HMGN3: variants seen among roughly 807,000 people sequenced by gnomAD.
HMGN3 encodes the protein high mobility group nucleosomal binding domain 3, also known as high mobility group nucleosome-binding domain-containing protein 3.
Under a neutral mutation model 18.8 loss-of-function variants are expected in HMGN3, and 6 were observed. The ratio of observed to expected loss-of-function variants is 0.32; its 90% confidence interval spans 0.18 to 0.63. The LOEUF is 0.63. Ranked by LOEUF, HMGN3 falls within the 30% of genes least tolerant of loss-of-function variation. The pLI is 0.79. For synonymous variants in HMGN3, 40 were observed against 36.5 expected (o/e 1.10, Z -0.35); for missense variants, 107 against 114.2 (o/e 0.94, Z 0.29).
At chr6:79,230,755 T>C (rs1777800036) in intron 1 of HMGN3, among the ~76,000 whole-genome samples, 1 of 152,224 alleles carries the variant, frequency 6.6e-6, no homozygotes, top group Non-Finnish European at 1.5e-5. Context: ...TCCCAGTTTT[T>C]CATAAATTTA....
At chr6:79,216,782 C>G (rs1777009166) in intron 1 of HMGN3, among the ~76,000 whole-genome samples, 1 of 152,148 alleles carries the variant, frequency 6.6e-6, no homozygotes, top group Admixed American at 6.5e-5. Flanking sequence ...GACCACTGGT[C>G]TTTGCTCACT....
intron 2 of HMGN3, among the ~76,000 whole-genome samples, chr6:79,209,309 T>C (rs1015102281): frequency 1.3e-5 from 2 of 152,148 alleles, no homozygotes; most frequent in African/African-American, 4.8e-5. Context: ...GAAAAGAAAA[T>C]CTAAATTAAC....
intron 1 of HMGN3, among the ~76,000 whole-genome samples, chr6:79,220,938 T>G (rs1010738006): frequency 6.6e-6 from 1 of 152,156 alleles, no homozygotes; most frequent in Non-Finnish European, 1.5e-5. Flanking sequence ...TAATTTATTT[T>G]CTAAAAAGGC....
intron 3 of HMGN3, among the ~76,000 whole-genome samples, chr6:79,204,362 T>TC (rs1471016004): frequency 1.3e-5 from 2 of 152,180 alleles, no homozygotes; most frequent in Non-Finnish European, 2.9e-5. Flanking sequence ...CCTCATGTGG[T>TC]CCTCCTCCAG....
intron 3 of HMGN3, among the ~76,000 whole-genome samples, chr6:79,207,937 G>C (rs915280999): frequency 1.3e-5 from 2 of 152,160 alleles, no homozygotes; most frequent in African/African-American, 2.4e-5. Context: ...AGCAGCAAAA[G>C]AGAAGAGCAT....
At position 79,202,173 on chromosome 6, in the gene HMGN3, G is replaced by A; in HGVS notation, c.261+103C>T. The A allele has an allele frequency of 6.2e-7, 1 of 1,600,686 alleles. No homozygotes were observed. Among genetic ancestry groups the A allele is most frequent in the Non-Finnish European group, 8.5e-7 (1 of 1,177,312 alleles). ...ATGTGGATCTGCAATAACATTACAG[G>A]CAATAAAAAGAGACATTAAGAACGT... is the stretch of plus-strand genomic sequence containing the variant. On this transcript the variant is annotated intron_variant, in intron 5 of 5. Transcript: ENST00000344726.
intron 1 of HMGN3, among the ~76,000 whole-genome samples, chr6:79,232,478 A>G (rs1777890900): frequency 6.6e-6 from 1 of 152,194 alleles, no homozygotes; most frequent in Non-Finnish European, 1.5e-5. Context: ...GTCCTCAGGA[A>G]TGACACACAG....
chr6:79,233,868 GC>G (rs1352797495), intron 1 of HMGN3: 1 of 152,286 alleles, frequency 6.6e-6, no homozygotes, highest in African/African-American at 2.4e-5. Context: ...CATATTGGAC[GC>G]CCCGGCGCCG....
chr6:79,226,255 T>C (rs1777562442), intron 1 of HMGN3, among the ~76,000 whole-genome samples: 1 of 152,230 alleles, frequency 6.6e-6, no homozygotes, highest in African/African-American at 2.4e-5. Flanking sequence ...TCACAGGCTC[T>C]GCAGCCAGAC....
Position 79,208,533 on chromosome 6 carries a change from TC to T in HMGN3, c.96+13del. The T allele has an allele frequency of 6.2e-7, 1 of 1,603,834 alleles. No individual in the cohort carries two copies. Among genetic ancestry groups the T allele is most frequent in the Non-Finnish European group, 8.5e-7 (1 of 1,170,404 alleles). ...TCATAAGAACTAACACTGAAGTGGT[TC>T]TAAGGTACTTACCGCTGACAATCTG... On this transcript the variant is annotated intron_variant, in intron 3 of 5. Coordinates refer to ENST00000344726, the Ensembl canonical transcript of HMGN3.
At chr6:79,214,933 T>C (rs1776897210) in intron 2 of HMGN3, 39 bp downstream of exon 2, 2 of 1,064,270 alleles carry the variant, frequency 1.9e-6, no homozygotes, top group Non-Finnish European at 2.9e-6. Context: ...AACATTTCAA[T>C]GTAAATAATT....
chr6:79,208,068 GA>G (rs1776506131), intron 3 of HMGN3, among the ~76,000 whole-genome samples: 1 of 152,130 alleles, frequency 6.6e-6, no homozygotes, highest in Admixed American at 6.5e-5. Flanking sequence ...CTGGCCCACA[GA>G]AGGAGACACC....
chr6:79,211,868 G>A (rs1582412510), intron 2 of HMGN3, among the ~76,000 whole-genome samples: 2 of 152,090 alleles, frequency 1.3e-5, no homozygotes. Context: ...CAATGACAAA[G>A]TACACAGGGA....
intron 1 of HMGN3, among the ~76,000 whole-genome samples, chr6:79,224,519 A>G (rs963783588): frequency 1.3e-5 from 2 of 152,346 alleles, no homozygotes; most frequent in South Asian, 4.1e-4. Flanking sequence ...GGGTTTTTAA[A>G]AAGTCATACG....
At chr6:79,233,510 A>T (rs1777960904) in intron 1 of HMGN3, among the ~76,000 whole-genome samples, 1 of 152,210 alleles carries the variant, frequency 6.6e-6, no homozygotes, top group Admixed American at 6.5e-5. Context: ...ACACTCGTTG[A>T]CACTGTTGGA....
intron 1 of HMGN3, among the ~76,000 whole-genome samples, chr6:79,228,945 A>T (rs561912919): frequency 6.6e-6 from 1 of 152,366 alleles, no homozygotes; most frequent in East Asian, 1.9e-4. Context: ...AAAGTTTTAC[A>T]TTTATGAAGG....
At chr6:79,208,164 G>C (rs1320698756) in intron 3 of HMGN3, among the ~76,000 whole-genome samples, 1 of 152,198 alleles carries the variant, frequency 6.6e-6, no homozygotes, top group African/African-American at 2.4e-5. Context: ...ACAACTTTCA[G>C]AACATTCTCA....
intron 1 of HMGN3, 91 bp downstream of exon 1, chr6:79,234,455 C>A (rs1368801817): frequency 8.6e-6 from 11 of 1,278,628 alleles, no homozygotes; most frequent in South Asian, 1.2e-5. Flanking sequence ...CGGGTTACTA[C>A]CGCGCGCGTT....
chr6:79,224,289 T>A (rs922417503), intron 1 of HMGN3, among the ~76,000 whole-genome samples: 9 of 152,160 alleles, frequency 5.9e-5, no homozygotes, highest in African/African-American at 2.2e-4. Flanking sequence ...TTGTGTTAAG[T>A]GTTCTTAATT....
Sources: gnomAD v4.1 joint callset for allele counts (sites outside exome capture counted in the v4.1 genomes callset) on GRCh38, gnomAD v4.1.1 for gene constraint, MANE v1.5 for transcripts, NCBI Gene and HGNC (gene_info 2026-07-23, HGNC 2026-07-21) for gene names.